The following DAPK1 variants were observed in gnomAD, a reference collection of about 807,000 sequenced individuals.
DAPK1 encodes death-associated protein kinase 1.
Under a neutral mutation model 144.9 loss-of-function variants are expected in DAPK1, and 56 were observed. The observed-to-expected ratio is 0.39, with a 90% CI of 0.31 to 0.48. DAPK1 has a LOEUF of 0.48. DAPK1 is among the 20% of genes least tolerant of loss of function. The pLI is 0.95. For synonymous variants in DAPK1, 690 were observed against 749.0 expected, an observed-to-expected ratio of 0.92 and a Z score of 1.29; for missense variants, 1,454 against 1,875.4, an observed-to-expected ratio of 0.78 and a Z score of 4.15.
At chr9:87,507,443 G>T (rs1301039843) in intron 2 of DAPK1, among the ~76,000 whole-genome samples, 1 of 152,234 alleles carries the variant, frequency 6.6e-6, no homozygotes, top group East Asian at 1.9e-4. Flanking sequence ...GACCTCAGGT[G>T]ATCTGCTCGC....
chr9:87,591,360 T>C (rs1010096472), intron 2 of DAPK1, among the ~76,000 whole-genome samples: 5 of 152,246 alleles, frequency 3.3e-5, no homozygotes, highest in African/African-American at 9.6e-5. Flanking sequence ...TGGGCCAGGA[T>C]GGTCTTAAAG....
chr9:87,626,061 G>A (rs760324667), intron 3 of DAPK1, among the ~76,000 whole-genome samples: 3 of 152,202 alleles, frequency 2.0e-5, no homozygotes, highest in Non-Finnish European at 2.9e-5. Context: ...CCACTAAGCA[G>A]GGGAGTGTAT....
At chr9:87,542,271 C>T (rs1403521103) in intron 2 of DAPK1, among the ~76,000 whole-genome samples, 6 of 152,308 alleles carry the variant, frequency 3.9e-5, no homozygotes, top group African/African-American at 1.4e-4. Flanking sequence ...GAAGACAGGT[C>T]AGACAGTGTC....
At chr9:87,673,313 T>A (rs1346447172) in intron 19 of DAPK1, among the ~76,000 whole-genome samples, 2 of 152,208 alleles carry the variant, frequency 1.3e-5, no homozygotes, top group African/African-American at 4.8e-5. Context: ...CTACATTGCC[T>A]GCCATTTTAT....
chr9:87,650,809 C>T (rs983531710), intron 16 of DAPK1, among the ~76,000 whole-genome samples: 1 of 152,196 alleles, frequency 6.6e-6, no homozygotes, highest in East Asian at 1.9e-4. Context: ...CTACTGGCAT[C>T]TCGTCGATCC....
At chr9:87,579,726 C>T (rs1827685145) in intron 2 of DAPK1, among the ~76,000 whole-genome samples, 1 of 152,078 alleles carries the variant, frequency 6.6e-6, no homozygotes, top group Middle Eastern at 3.2e-3. Context: ...TTTTTCAATT[C>T]AGGGAAATCA....
intron 2 of DAPK1, among the ~76,000 whole-genome samples, chr9:87,510,905 A>G (rs761002278): frequency 1.3e-5 from 2 of 152,274 alleles, no homozygotes; most frequent in Non-Finnish European, 2.9e-5. Context: ...TGTGATATGT[A>G]TAAAGTGCTT....
intron 2 of DAPK1, among the ~76,000 whole-genome samples, chr9:87,578,176 G>T (rs547663891): frequency 1.5e-3 from 228 of 152,288 alleles, no homozygotes; most frequent in African/African-American, 5.2e-3. Context: ...TCCCCCGAAA[G>T]ATCCCATTAA....
intron 2 of DAPK1, among the ~76,000 whole-genome samples, chr9:87,580,760 T>G (rs1019240327): frequency 1.3e-5 from 2 of 152,180 alleles, no homozygotes; most frequent in African/African-American, 4.8e-5. Context: ...GTGATTAAAT[T>G]GCCCCTGTAA....
At chr9:87,540,121 G>C (rs1347423174) in intron 2 of DAPK1, among the ~76,000 whole-genome samples, 1 of 150,788 alleles carries the variant, frequency 6.6e-6, no homozygotes, top group African/African-American at 2.4e-5. Flanking sequence ...ACATTCACAT[G>C]ACTTTTATTA....
rs937028006 is a variant in DAPK1 at position 87,603,833 on chromosome 9, A to G, written c.63-1121A>G. ...CTGTGTACCTCTCACCGTCTCACGC[A>G]CTTACTGCCTACCCCTTATTATTTT... On this transcript the variant is annotated intron_variant, in intron 2 of 25. Transcript: ENST00000408954. 3.9e-5 allele frequency among the ~76,000 whole-genome samples: 6 copies of G among 152,098 alleles called. 1 individual carries two copies.
intron 21 of DAPK1, among the ~76,000 whole-genome samples, chr9:87,690,084 T>C (rs1221403517): frequency 1.3e-5 from 2 of 152,212 alleles, no homozygotes; most frequent in African/African-American, 4.8e-5. Flanking sequence ...AATCTGTAGA[T>C]TGCCTTGAGT....
At chr9:87,607,674 C>T (rs185129127) in intron 3 of DAPK1, among the ~76,000 whole-genome samples, 1 of 152,012 alleles carries the variant, frequency 6.6e-6, no homozygotes, top group Non-Finnish European at 1.5e-5. Context: ...TGAAAGTTAA[C>T]ACATGTAAAT....
chr9:87,630,518 G>C (rs36210370), intron 3 of DAPK1, among the ~76,000 whole-genome samples: 5,325 of 152,224 alleles, frequency 0.035, 169 homozygotes, highest in East Asian at 0.12. Flanking sequence ...TGGGTCACCT[G>C]TGTTCTGGTG....
chr9:87,628,902 C>T (rs1317407228), intron 3 of DAPK1, among the ~76,000 whole-genome samples: 1 of 152,182 alleles, frequency 6.6e-6, no homozygotes, highest in Non-Finnish European at 1.5e-5. Flanking sequence ...GAAAACACTT[C>T]AGTGGATTCT....
At position 87,698,730 on chromosome 9, in the gene DAPK1, C is replaced by A. The variant is rs777747286; in HGVS notation, c.2686C>A (p.Arg896=). Residue 896 remains arginine, a synonymous_variant, in exon 23 of 26, where the codon CGA becomes AGA. Coordinates refer to ENST00000408954, the MANE Select transcript of DAPK1 (RefSeq NM_004938.4). ...CCACGCTGACATCATGAATGTTCCT[C>A]GACCGGCTGGAGGCGAGTTTGGATA... ...ATHADIMNVP[R]PAGGEFGYDK... The A allele has an allele frequency of 6.2e-7, 1 of 1,601,898 alleles. No individual in the cohort carries two copies. The highest frequency in any genetic ancestry group is 1.1e-5 in the South Asian group (1 of 90,812).
chr9:87,698,888 A>G (rs1458582016), intron 23 of DAPK1, 94 bp downstream of exon 23: 4 of 739,738 alleles, frequency 5.4e-6, no homozygotes, highest in Non-Finnish European at 9.3e-6. Context: ...AAGTCTCATG[A>G]ACCAGAGAAA....
intron 3 of DAPK1, among the ~76,000 whole-genome samples, chr9:87,624,698 C>T (rs1045377897): frequency 6.6e-6 from 1 of 152,214 alleles, no homozygotes; most frequent in Non-Finnish European, 1.5e-5. Flanking sequence ...CCAGAGCACC[C>T]GACTGACCTC....
intron 2 of DAPK1, among the ~76,000 whole-genome samples, chr9:87,527,434 A>G (rs1053449418): frequency 5.9e-5 from 9 of 152,158 alleles, no homozygotes; most frequent in Admixed American, 5.9e-4. Context: ...TTCTGCTTCC[A>G]TTGTTACTCA....
Sources: gnomAD v4.1 joint callset for allele counts (sites outside exome capture counted in the v4.1 genomes callset) on GRCh38, gnomAD v4.1.1 for gene constraint, MANE v1.5 for transcripts, NCBI Gene and HGNC (gene_info 2026-07-23, HGNC 2026-07-21) for gene names.